Variants in FTO observed in about 807,000 individuals in gnomAD.
FTO encodes FTO alpha-ketoglutarate dependent dioxygenase, also known as alpha-ketoglutarate-dependent dioxygenase FTO.
Under a neutral mutation model 63.9 loss-of-function variants are expected in FTO, and 47 were observed. The ratio of observed to expected loss-of-function variants is 0.74; its 90% CI spans 0.58 to 0.94. The LOEUF (loss-of-function observed/expected upper bound fraction) is 0.94. Among genes scored for constraint, FTO ranks in the 40% least tolerant of loss-of-function variants. FTO has a pLI of 0.00. For missense variants in FTO, 562 were observed against 618.1 expected (o/e 0.91, Z 0.96); for synonymous variants, 207 against 224.4 (o/e 0.92, Z 0.69).
chr16:53,857,194 C>T (rs1388606354), intron 4 of FTO, among the ~76,000 whole-genome samples: 2 of 152,030 alleles, frequency 1.3e-5, no homozygotes, highest in Admixed American at 6.6e-5. Flanking sequence ...AGGTAATAAG[C>T]GTAGTACCTG....
intron 8 of FTO, among the ~76,000 whole-genome samples, chr16:54,088,315 C>A (rs1210284497): frequency 2.0e-5 from 3 of 152,172 alleles, no homozygotes; most frequent in Non-Finnish European, 4.4e-5. Context: ...TCAATCTATT[C>A]TTTCAGAGAA....
At chr16:54,094,673 C>A (rs1418128440) in intron 8 of FTO, among the ~76,000 whole-genome samples, 1 of 152,222 alleles carries the variant, frequency 6.6e-6, no homozygotes, top group Non-Finnish European at 1.5e-5. Flanking sequence ...CAAAGGCGAA[C>A]AATACATCAA....
chr16:53,772,255 C>T (rs1384697980), intron 1 of FTO, among the ~76,000 whole-genome samples: 1 of 151,882 alleles, frequency 6.6e-6, no homozygotes, highest in Non-Finnish European at 1.5e-5. Flanking sequence ...CTATTTTGTT[C>T]CTCTAACAGG....
chr16:53,863,163 T>C (rs143435940), intron 4 of FTO, among the ~76,000 whole-genome samples: 2 of 152,378 alleles, frequency 1.3e-5, no homozygotes, highest in Non-Finnish European at 2.9e-5. Flanking sequence ...TTGAATCAAG[T>C]GTCTTCTTGA....
intron 1 of FTO, among the ~76,000 whole-genome samples, chr16:53,721,137 C>T (rs915031977): frequency 1.3e-5 from 2 of 152,118 alleles, no homozygotes; most frequent in African/African-American, 4.8e-5. Flanking sequence ...CTCAATTGGA[C>T]CAAGACTTAG....
chr16:53,973,220 T>C (rs1308172327), intron 8 of FTO, among the ~76,000 whole-genome samples: 1 of 152,066 alleles, frequency 6.6e-6, no homozygotes, highest in Non-Finnish European at 1.5e-5. Flanking sequence ...CATTTCAGAG[T>C]TTAACAGTGG....
chr16:53,795,449 T>TGTGTG (rs879656922), intron 1 of FTO, among the ~76,000 whole-genome samples: 26 of 149,756 alleles, frequency 1.7e-4, no homozygotes, highest in South Asian at 1.1e-3. Context: ...GCTAATACAT[T>TGTGTG]TGTGTGTGTG....
Position 54,099,013 on chromosome 16 carries a change from A to C in FTO, c.1365-12749A>C. 1.3e-5 allele frequency among the ~76,000 whole-genome samples: 2 copies of C among 152,210 alleles called. 1 individual carries two copies. Among genetic ancestry groups the C allele is most frequent in the Middle Eastern group, 6.3e-3 (2 of 316 alleles). ...CCCATGCAAACGTTACTTAAATTTC[A>C]AGCAACAGGGAAGTCATGAGATTTG... On this transcript the variant is annotated intron_variant, in intron 8 of 8. Coordinates refer to ENST00000471389, the MANE Select transcript of FTO (RefSeq NM_001080432.3).
intron 3 of FTO, among the ~76,000 whole-genome samples, chr16:53,842,454 C>T (rs2079503970): frequency 6.6e-6 from 1 of 152,102 alleles, no homozygotes; most frequent in Non-Finnish European, 1.5e-5. Flanking sequence ...TCCTGCAGGG[C>T]TGTGATTATA....
chr16:54,054,103 A>C (rs1478488223), intron 8 of FTO, among the ~76,000 whole-genome samples: 1 of 151,972 alleles, frequency 6.6e-6, no homozygotes, highest in Non-Finnish European at 1.5e-5. Flanking sequence ...GATTAAGTAT[A>C]TTTAGCACTG....
intron 7 of FTO, among the ~76,000 whole-genome samples, chr16:53,907,984 C>T (rs1179199811): frequency 6.6e-6 from 1 of 152,192 alleles, no homozygotes; most frequent in East Asian, 1.9e-4. Flanking sequence ...TTTGAGAGTA[C>T]TTACCTGTTT....
chr16:53,789,885 A>AAATGTG (rs2077855009), intron 1 of FTO, among the ~76,000 whole-genome samples: 1 of 16,504 alleles, frequency 6.1e-5, no homozygotes. Context: ...CAAATTATAT[A>AAATGTG]TACATATACG....
At chr16:53,860,159 G>A (rs1449218981) in intron 4 of FTO, among the ~76,000 whole-genome samples, 1 of 152,128 alleles carries the variant, frequency 6.6e-6, no homozygotes, top group Non-Finnish European at 1.5e-5. Flanking sequence ...TAAAAAAGAA[G>A]GAAATCGTGT....
intron 4 of FTO, among the ~76,000 whole-genome samples, chr16:53,872,073 G>A (rs897631241): frequency 5.3e-5 from 8 of 152,122 alleles, no homozygotes; most frequent in African/African-American, 1.9e-4. Context: ...TGCTAGGTGG[G>A]ACTAGAGCAG....
rs1224805011 is a variant in FTO, at chr16:54,027,698, C to T, written c.1365-84064C>T. Among the ~76,000 whole-genome samples, 7 of 152,206 alleles carry T rather than the reference C, an allele frequency of 4.6e-5. No homozygotes were observed. The East Asian group carries it at 1.2e-3, about 25-fold the overall frequency. On this transcript the variant is annotated intron_variant, in intron 8 of 8. Coordinates refer to ENST00000471389, the MANE Select transcript of FTO (RefSeq NM_001080432.3). ...AGTTGCAAAAAGCATGCAAGTTCTGCTCTGCCTCTGGCCTGAGTAACTGGG... is the reference window on the plus strand; with the variant it reads ...AGTTGCAAAAAGCATGCAAGTTCTGTTCTGCCTCTGGCCTGAGTAACTGGG...
chr16:53,793,755 CA>C (rs1567991819), intron 1 of FTO, among the ~76,000 whole-genome samples: 1 of 150,960 alleles, frequency 6.6e-6, no homozygotes, highest in East Asian at 2.1e-4. Flanking sequence ...AACAAACAAA[CA>C]AAAATAAAAT....
chr16:53,771,584 A>T (rs1290240929), intron 1 of FTO, among the ~76,000 whole-genome samples: 1 of 152,136 alleles, frequency 6.6e-6, no homozygotes, highest in Non-Finnish European at 1.5e-5. Context: ...TGTTATACGT[A>T]GAGTTACCAT....
intron 8 of FTO, among the ~76,000 whole-genome samples, chr16:54,018,150 G>T (rs948757650): frequency 6.6e-6 from 1 of 151,916 alleles, no homozygotes; most frequent in Non-Finnish European, 1.5e-5. Flanking sequence ...ACCAAATATA[G>T]AGTATGTATT....
intron 8 of FTO, among the ~76,000 whole-genome samples, chr16:54,073,375 T>A (rs2085915186): frequency 6.6e-6 from 1 of 152,138 alleles, no homozygotes; most frequent in Non-Finnish European, 1.5e-5. Flanking sequence ...ACTTTTGGAG[T>A]GAAAAATTCT....
Sources: gnomAD v4.1 joint callset for allele counts (sites outside exome capture counted in the v4.1 genomes callset) on GRCh38, gnomAD v4.1.1 for gene constraint, MANE v1.5 for transcripts, NCBI Gene and HGNC (gene_info 2026-07-23, HGNC 2026-07-21) for gene names.